The following DOCK10 variants were observed in gnomAD, a reference collection of about 807,000 sequenced individuals.
The protein encoded by DOCK10 is dedicator of cytokinesis protein 10.
In DOCK10, 145 loss-of-function variants were observed where a neutral mutation model predicts 280.1. The ratio of observed to expected loss-of-function variants is 0.52; its 90% confidence interval spans 0.45 to 0.59. DOCK10 has a LOEUF of 0.59. Ranked by LOEUF, DOCK10 falls within the 20% of genes least tolerant of loss-of-function variation. DOCK10 has a pLI of 0.00. For synonymous variants in DOCK10, 915 were observed against 942.2 expected, an observed-to-expected ratio of 0.97 and a Z score of 0.53; for missense variants, 2,368 against 2,651.7, an observed-to-expected ratio of 0.89 and a Z score of 2.35.
chr2:224,830,535 T>C lies in DOCK10; in HGVS notation c.3036+6A>G, dbSNP rs1207583248. ...TATTATAATATTATATTACTTATGTTCTTACCTGGATTTTATTTGTGTCAA... is the reference window on the plus strand; with the variant it reads ...TATTATAATATTATATTACTTATGTCCTTACCTGGATTTTATTTGTGTCAA... On this transcript the variant is annotated splice_donor_region_variant and intron_variant, in intron 27 of 55. Transcript: ENST00000258390. 7.1e-7 allele frequency: 1 copy of C among 1,410,468 alleles called. No individual in the cohort carries two copies. The highest frequency in any genetic ancestry group is 9.5e-7 in the Non-Finnish European group (1 of 1,049,774). The allele number at this position is 1,410,468 out of a possible 1,614,324, so 87.4% of individuals were successfully genotyped here.
At chr2:224,820,571 T>A (rs544539664) in intron 28 of DOCK10, among the ~76,000 whole-genome samples, 1 of 152,370 alleles carries the variant, frequency 6.6e-6, no homozygotes, top group South Asian at 2.1e-4. Flanking sequence ...TCCAGGATGA[T>A]CCATTAAAAT....
chr2:224,789,124 G>A lies in DOCK10; in HGVS notation c.5358C>T (p.Asn1786=). Residue 1786 remains asparagine (N), a synonymous_variant, in exon 48 of 56, where the codon AAC becomes AAT. Coordinates refer to ENST00000258390, the MANE Select transcript of DOCK10 (RefSeq NM_014689.3). ...GWPAFLSITP[N]IKEEGAMKED... ...CTTTCATCGCTCCTTCTTCCTTAAT[G>A]TTTGGTGTAATGCTCAAAAAAGCTG... The A allele has an allele frequency of 6.2e-7, 1 of 1,613,670 alleles. No individual in the cohort carries two copies. The highest frequency in any genetic ancestry group is 1.6e-4 in the Middle Eastern group (1 of 6,062).
rs1559986860 is a variant in DOCK10, at chr2:225,035,574, ATATATATATAT to A, written c.123+6667_123+6677del. Among the ~76,000 whole-genome samples, 10 of 78,082 alleles carry A rather than the reference ATATATATATAT, an allele frequency of 1.3e-4. 1 individual carries two copies. Among genetic ancestry groups the A allele is most frequent in the African/African-American group, 4.2e-4 (7 of 16,676 alleles). The allele number at this position is 78,082 out of a possible 152,430, so 51.2% of individuals were successfully genotyped here. On this transcript the variant is annotated intron_variant, in intron 1 of 55. Transcript: ENST00000258390. ...TATATATATATATATATATATATAT[ATATATATATAT>A]ATAACACTGAATCAGTGTTAATTGT...
At chr2:224,852,007 C>T (rs575935662) in intron 18 of DOCK10, among the ~76,000 whole-genome samples, 4 of 142,352 alleles carry the variant, frequency 2.8e-5, no homozygotes, top group East Asian at 3.9e-4. Flanking sequence ...GGCCAGTATG[C>T]GGCAGTTCTG....
chr2:224,778,513 C>A, intron 50 of DOCK10: 1 of 567,264 alleles, frequency 1.8e-6, no homozygotes, highest in Non-Finnish European at 3.2e-6. Context: ...GCCAAAGAAA[C>A]TCATGAAATA....
Position 224,796,382 on chromosome 2 carries a change from T to C in DOCK10, c.4872A>G (p.Gly1624=). ...CAAGCGAATGTTGAAACCGAGAGCC[T>C]CCAATCCCAGCATCGGCTATTAACT... ...VSQLIADAGI[G]GSRFQHSLAI... The change falls in exon 44 of 56, where the codon GGA becomes GGG. Residue 1624 remains glycine (G), a synonymous_variant. Coordinates refer to ENST00000258390, the MANE Select transcript of DOCK10 (RefSeq NM_014689.3). 6.4e-7 allele frequency: 1 copy of C among 1,573,222 alleles called. No homozygotes were observed. The highest frequency in any genetic ancestry group is 8.6e-7 in the Non-Finnish European group (1 of 1,158,046).
intron 1 of DOCK10, among the ~76,000 whole-genome samples, chr2:224,957,002 G>C (rs1403461007): frequency 6.6e-6 from 1 of 152,168 alleles, no homozygotes; most frequent in East Asian, 1.9e-4. Context: ...ATGTCCCTCA[G>C]GTATTGTCTA....
chr2:224,889,613 C>T (rs985186683), intron 4 of DOCK10, among the ~76,000 whole-genome samples: 2 of 152,308 alleles, frequency 1.3e-5, no homozygotes, highest in Middle Eastern at 3.4e-3. Context: ...AAGCCTATCA[C>T]TGCTGCCTGC....
intron 19 of DOCK10, among the ~76,000 whole-genome samples, chr2:224,848,439 G>C (rs1696508389): frequency 6.6e-6 from 1 of 152,156 alleles, no homozygotes. Context: ...TATAGTAATT[G>C]ACCATGAGCC....
chr2:224,935,134 G>C (rs1326412455), intron 1 of DOCK10, among the ~76,000 whole-genome samples: 1 of 152,176 alleles, frequency 6.6e-6, no homozygotes, highest in South Asian at 2.1e-4. Flanking sequence ...TGAATGCCAA[G>C]ACGATTATCT....
At chr2:224,969,326 C>T (rs897215563) in intron 1 of DOCK10, among the ~76,000 whole-genome samples, 2 of 152,174 alleles carry the variant, frequency 1.3e-5, no homozygotes, top group Admixed American at 6.5e-5. Flanking sequence ...ACATCTGTAG[C>T]GAACATCTTC....
At chr2:224,779,541 C>G (rs746201122) in intron 50 of DOCK10, among the ~76,000 whole-genome samples, 1 of 151,982 alleles carries the variant, frequency 6.6e-6, no homozygotes, top group Admixed American at 6.6e-5. Context: ...TAAGGAAATG[C>G]CTTTTGAGGT....
At chr2:224,854,221 C>CT (rs1216239873) in intron 16 of DOCK10, among the ~76,000 whole-genome samples, 206 of 144,762 alleles carry the variant, frequency 1.4e-3, no homozygotes, top group Non-Finnish European at 2.2e-3. Flanking sequence ...GGCCTTTATT[C>CT]TTTTTTTTTT....
chr2:224,916,848 C>G, intron 2 of DOCK10, 64 bp from the exon 3 acceptor site: 2 of 1,229,584 alleles, frequency 1.6e-6, no homozygotes, highest in Non-Finnish European at 2.3e-6. Context: ...GACCAGCACA[C>G]TGAACACACA....
chr2:224,954,211 A>G (rs1703920255), intron 1 of DOCK10, among the ~76,000 whole-genome samples: 1 of 152,206 alleles, frequency 6.6e-6, no homozygotes, highest in South Asian at 2.1e-4. Flanking sequence ...TTCATTTCTT[A>G]CAGAGTTTAC....
chr2:224,827,056 A>C (rs943539543), intron 27 of DOCK10, among the ~76,000 whole-genome samples: 12 of 152,032 alleles, frequency 7.9e-5, no homozygotes, highest in African/African-American at 2.9e-4. Flanking sequence ...TAAGGTCAGG[A>C]GTTGGAGACC....
chr2:225,025,490 G>A (rs1180763540), intron 1 of DOCK10, among the ~76,000 whole-genome samples: 1 of 152,132 alleles, frequency 6.6e-6, no homozygotes, highest in Non-Finnish European at 1.5e-5. Flanking sequence ...ATTTAGAAAT[G>A]GTAGAAATGT....
rs757858036 is a variant in DOCK10, at chr2:224,849,590, C to T, written c.2152G>A (p.Gly718Arg). The part of the protein sequence containing the change: ...ESAKPLKCIY[G>R]KPGGPLFTSA... ...GTGAAGAGGGGCCCTCCAGGTTTTC[C>T]ATAAATACACTGTTTGAAAAGTTAT... Residue 718 changes from glycine (G) to arginine (R), a missense_variant, in exon 19 of 56, where the codon GGA becomes AGA. Around this residue, in one of 2 missense-constraint regions of DOCK10, gnomAD observed 1,209 missense variants for 1,250.9 expected, o/e 0.97. Coordinates refer to ENST00000258390, the MANE Select transcript of DOCK10 (RefSeq NM_014689.3). The T allele has an allele frequency of 6.2e-7, 1 of 1,602,890 alleles. No individual in the cohort carries two copies.
intron 55 of DOCK10, chr2:224,768,923 T>C (rs538701872): frequency 2.2e-6 from 1 of 456,714 alleles, no homozygotes; most frequent in South Asian, 1.5e-5. Flanking sequence ...GAACAGAAGC[T>C]GTATAAACAC....
Sources: gnomAD v4.1 joint callset for allele counts (sites outside exome capture counted in the v4.1 genomes callset) on GRCh38, gnomAD v4.1.1 for gene constraint, gnomAD v4.1.1 regional missense constraint, MANE v1.5 for transcripts, NCBI Gene and HGNC (gene_info 2026-07-23, HGNC 2026-07-21) for gene names.